ADCY2: variants seen among roughly 807,000 people sequenced by gnomAD.
ADCY2 encodes the protein adenylate cyclase 2.
In ADCY2, 31 loss-of-function variants were observed where a neutral mutation model predicts 125.2. The observed-to-expected ratio is 0.25, with a 90% CI of 0.19 to 0.33. ADCY2 has a LOEUF of 0.33. ADCY2 is among the 10% of genes least tolerant of loss of function. The pLI, the probability that ADCY2 is intolerant of heterozygous loss-of-function variation, is 1.00. For synonymous variants in ADCY2, 512 were observed against 548.4 expected (o/e 0.93, Z 0.93); for missense variants, 904 against 1,418.2 (o/e 0.64, Z 5.82).
intron 4 of ADCY2, among the ~76,000 whole-genome samples, chr5:7,646,133 C>A (rs867302157): frequency 6.6e-6 from 1 of 151,380 alleles, no homozygotes; most frequent in East Asian, 1.9e-4. Flanking sequence ...TTAAAAAAAA[C>A]GTTGGAAGCA....
At chr5:7,596,114 C>G (rs1378787938) in intron 3 of ADCY2, among the ~76,000 whole-genome samples, 1 of 152,014 alleles carries the variant, frequency 6.6e-6, no homozygotes, top group Non-Finnish European at 1.5e-5. Flanking sequence ...TCTGTCTCTT[C>G]CAGTCTTCCA....
At chr5:7,628,887 G>A (rs1337139286) in intron 4 of ADCY2, among the ~76,000 whole-genome samples, 14 of 152,062 alleles carry the variant, frequency 9.2e-5, no homozygotes, top group African/African-American at 3.4e-4. Flanking sequence ...GTAAAAACTG[G>A]CCAGTGGCAA....
chr5:7,577,601 T>C (rs1182687682), intron 3 of ADCY2, among the ~76,000 whole-genome samples: 1 of 152,136 alleles, frequency 6.6e-6, no homozygotes, highest in African/African-American at 2.4e-5. Context: ...GAACAGCTGA[T>C]GAAACTTAGG....
At chr5:7,774,807 C>G (rs535055011) in intron 18 of ADCY2, among the ~76,000 whole-genome samples, 25 of 152,268 alleles carry the variant, frequency 1.6e-4, no homozygotes, top group African/African-American at 6.0e-4. Context: ...AGCCAGCATC[C>G]TCCTCGGGGG....
intron 2 of ADCY2, among the ~76,000 whole-genome samples, chr5:7,437,539 T>A (rs1003468627): frequency 3.9e-4 from 59 of 152,240 alleles, no homozygotes; most frequent in Admixed American, 6.5e-5. Context: ...TATAAAATCA[T>A]AATCATAACA....
intron 22 of ADCY2, among the ~76,000 whole-genome samples, chr5:7,808,047 T>C (rs927784222): frequency 5.9e-5 from 9 of 152,146 alleles, no homozygotes; most frequent in Non-Finnish European, 1.0e-4. Context: ...ATTCTGATGC[T>C]CACAGAAGAT....
rs201950218 is a variant in ADCY2 at position 7,675,157 on chromosome 5, C to CA, written c.721-15520dup. 3.3e-3 allele frequency among the ~76,000 whole-genome samples: 329 copies of CA among 98,476 alleles called. 1 individual carries two copies. Among genetic ancestry groups the CA allele is most frequent in the African/African-American group, 6.9e-3 (179 of 26,012 alleles). The allele number at this position is 98,476 out of a possible 152,430, so 64.6% of individuals were successfully genotyped here. A position where few individuals can be genotyped will look rare whatever the true frequency, so the allele number is the denominator to read the frequency against. Reference sequence around the variant, plus strand: ...TGGGTGAAAGAGTGATACTCTGTCTCAAAAAAAAAAAAAAGAAAGAAAAAA... The same window carrying CA: ...TGGGTGAAAGAGTGATACTCTGTCTCAAAAAAAAAAAAAAAGAAAGAAAAAA... On this transcript the variant is annotated intron_variant, in intron 4 of 24. Coordinates refer to ENST00000338316, the MANE Select transcript of ADCY2 (RefSeq NM_020546.3).
At chr5:7,781,899 A>T (rs1305698875) in intron 18 of ADCY2, among the ~76,000 whole-genome samples, 4 of 152,172 alleles carry the variant, frequency 2.6e-5, no homozygotes, top group Non-Finnish European at 5.9e-5. Context: ...CACTGAAACC[A>T]TAGGGGCCCT....
At chr5:7,503,214 C>A (rs1175930059) in intron 2 of ADCY2, among the ~76,000 whole-genome samples, 1 of 152,148 alleles carries the variant, frequency 6.6e-6, no homozygotes, top group Non-Finnish European at 1.5e-5. Context: ...CCTTGATTTC[C>A]ATGAATTCAT....
chr5:7,584,884 C>T (rs139050657), intron 3 of ADCY2, among the ~76,000 whole-genome samples: 19 of 152,286 alleles, frequency 1.2e-4, no homozygotes, highest in Non-Finnish European at 2.2e-4. Flanking sequence ...AAAGTCTCTA[C>T]ACAATTTATA....
chr5:7,542,452 A>T (rs1455670169), intron 3 of ADCY2, among the ~76,000 whole-genome samples: 1 of 152,126 alleles, frequency 6.6e-6, no homozygotes, highest in African/African-American at 2.4e-5. Flanking sequence ...AAATACCCTC[A>T]TATTTAAAAT....
intron 11 of ADCY2, among the ~76,000 whole-genome samples, chr5:7,715,034 T>A (rs1347387691): frequency 6.6e-6 from 1 of 152,058 alleles, no homozygotes; most frequent in Non-Finnish European, 1.5e-5. Flanking sequence ...GATGGGAAGA[T>A]GAGAGATGCT....
intron 4 of ADCY2, among the ~76,000 whole-genome samples, chr5:7,650,281 T>A (rs1017602306): frequency 1.3e-5 from 2 of 151,598 alleles, no homozygotes; most frequent in African/African-American, 4.8e-5. Flanking sequence ...ACACTTCCTT[T>A]ATTTCACTGT....
chr5:7,547,806 C>G (rs945678280), intron 3 of ADCY2, among the ~76,000 whole-genome samples: 10 of 152,250 alleles, frequency 6.6e-5, no homozygotes, highest in African/African-American at 2.4e-4. Flanking sequence ...TTCCCACACC[C>G]TCACCATGTC....
chr5:7,673,257 AAAAAAAAAAAAAAT>A (rs1328815100), intron 4 of ADCY2, among the ~76,000 whole-genome samples: 1 of 11,978 alleles, frequency 8.3e-5, no homozygotes, highest in African/African-American at 2.4e-4. Flanking sequence ...AAAAAAAAAA[AAAAAAAAAAAAAAT>A]ATATATATAT....
intron 2 of ADCY2, among the ~76,000 whole-genome samples, chr5:7,491,479 A>G (rs192659321): frequency 5.3e-4 from 80 of 152,336 alleles, no homozygotes; most frequent in Middle Eastern, 6.8e-3. Flanking sequence ...AGAAACTAAT[A>G]AAAATGCTAA....
chr5:7,525,316 A>G (rs1313902323), intron 3 of ADCY2, among the ~76,000 whole-genome samples: 2 of 152,010 alleles, frequency 1.3e-5, no homozygotes, highest in African/African-American at 2.4e-5. Context: ...CACCATCGCT[A>G]TTTATTTTGA....
chr5:7,674,487 TG>T (rs1205819108), intron 4 of ADCY2, among the ~76,000 whole-genome samples: 1 of 152,194 alleles, frequency 6.6e-6, no homozygotes, highest in Non-Finnish European at 1.5e-5. Context: ...AGGACAAACT[TG>T]GGGTTCCATC....
intron 3 of ADCY2, among the ~76,000 whole-genome samples, chr5:7,581,670 A>T (rs954209331): frequency 2.0e-5 from 3 of 151,332 alleles, no homozygotes; most frequent in Admixed American, 6.6e-5. Flanking sequence ...ATACAAAAAA[A>T]AATCGCTGGG....
Sources: gnomAD v4.1 joint callset for allele counts (sites outside exome capture counted in the v4.1 genomes callset) on GRCh38, gnomAD v4.1.1 for gene constraint, MANE v1.5 for transcripts, NCBI Gene and HGNC (gene_info 2026-07-23, HGNC 2026-07-21) for gene names.